The following POLQ variants were observed in gnomAD, a reference collection of about 807,000 sequenced individuals.
The protein encoded by POLQ is epididymis secretory sperm binding protein.
In POLQ, 233 loss-of-function variants were observed where a neutral mutation model predicts 259.2. The ratio of observed to expected loss-of-function variants is 0.90; its 90% CI spans 0.81 to 1.00. The LOEUF (loss-of-function observed/expected upper bound fraction) is 1.00. Among genes scored for constraint, POLQ ranks in the 50% least tolerant of loss-of-function variants. The pLI is 0.00. For synonymous variants in POLQ, 1,025 were observed against 1,048.8 expected, an observed-to-expected ratio of 0.98 and a Z score of 0.44; for missense variants, 2,871 against 3,051.6, an observed-to-expected ratio of 0.94 and a Z score of 1.39.
chr3:121,477,193 C>T lies in POLQ; in HGVS notation c.6212-460G>A, dbSNP rs116813693. 7.7e-3 allele frequency among the ~76,000 whole-genome samples: 1,174 copies of T among 152,234 alleles called. 18 individuals are homozygous for T. Among genetic ancestry groups the T allele is most frequent in the African/African-American group, 0.026 (1,092 of 41,528 alleles). On this transcript the variant is annotated intron_variant, in intron 19 of 29. Transcript: ENST00000264233. ...GGTGTACAACACAAAGTTTATTCAG[C>T]GTCTCTAAAGGAAAAAAGCCCCTCC...
intron 7 of POLQ, among the ~76,000 whole-genome samples, chr3:121,529,219 A>G (rs944760060): frequency 6.6e-6 from 1 of 152,172 alleles, no homozygotes; most frequent in Non-Finnish European, 1.5e-5. Flanking sequence ...TCAAGGGTCA[A>G]CTTATACATA....
At chr3:121,521,873 C>G in intron 8 of POLQ, 130 bp downstream of exon 8, 2 of 651,442 alleles carry the variant, frequency 3.1e-6, no homozygotes, top group Non-Finnish European at 4.7e-6. Context: ...GCCCAGCCCA[C>G]ACAATTTCTT....
chr3:121,526,890 T>TGTGCGCGC (rs542001955), intron 7 of POLQ, among the ~76,000 whole-genome samples: 1 of 151,346 alleles, frequency 6.6e-6, no homozygotes, highest in African/African-American at 2.4e-5. Flanking sequence ...TGTGTGTGTG[T>TGTGCGCGC]GCGCGCGCGC....
Position 121,439,907 on chromosome 3 carries a change from A to T in POLQ, c.7389+85T>A, listed in dbSNP as rs2047575592. On this transcript the variant is annotated intron_variant, in intron 27 of 29. Coordinates refer to ENST00000264233, the MANE Select transcript of POLQ (RefSeq NM_199420.4). ...CAATTAATATGCCAGTAATCCCTAA[A>T]ACGGATATTTGTAGTATTTACTCTG... 2.5e-6 allele frequency: 3 copies of T among 1,213,894 alleles called. No homozygotes were observed. The Admixed American group carries it at 5.5e-5, about 22-fold the overall frequency. 75.2% of individuals were successfully genotyped at this position (1,213,894 alleles called of 1,614,324 possible). A position where few individuals can be genotyped will look rare whatever the true frequency, so the allele number is the denominator to read the frequency against.
At position 121,488,608 on chromosome 3, in the gene POLQ, T is replaced by A; in HGVS notation, c.4323A>T (p.Gln1441His). Reference protein sequence around the residue: ...KKNEVSVTDSQLNSFLQGYQT... With the variant: ...KKNEVSVTDSHLNSFLQGYQT... ...GATAACCTTGAAGAAAACTATTTAA[T>A]TGTGAATCAGTAACAGAAACTTCAT... Residue 1441 changes from glutamine (Q) to histidine (H), a missense_variant, in exon 16 of 30, where the codon CAA (glutamine) becomes CAT (histidine). Around this residue, in one of 3 missense-constraint regions of POLQ, gnomAD observed 2,080 missense variants for 2,126.0 expected, o/e 0.98. Coordinates refer to ENST00000264233, the MANE Select transcript of POLQ (RefSeq NM_199420.4). The A allele has an allele frequency of 2.5e-6, 4 of 1,606,838 alleles. No homozygotes were observed. The highest frequency in any genetic ancestry group is 3.4e-6 in the Non-Finnish European group (4 of 1,177,726).
intron 14 of POLQ, chr3:121,494,897 A>G: frequency 6.6e-7 from 1 of 1,525,448 alleles, no homozygotes; most frequent in South Asian, 1.1e-5. Context: ...ACTTGCCACT[A>G]AACTGGGTTA....
Position 121,432,191 on chromosome 3 carries a change from CT to C in POLQ, c.*112del. 3 of 954,862 alleles carry C rather than the reference CT, an allele frequency of 3.1e-6. No individual in the cohort carries two copies. The highest frequency in any genetic ancestry group is 4.5e-6 in the Non-Finnish European group (3 of 668,080). The allele number at this position is 954,862 out of a possible 1,614,324, so 59.1% of individuals were successfully genotyped here. Reference sequence around the variant, plus strand: ...TCACTATAAAATTACTAGGCTAAGTCTATCAAGACTTGAAAGTTTGTTTTGC... The same window carrying C: ...TCACTATAAAATTACTAGGCTAAGTCATCAAGACTTGAAAGTTTGTTTTGC... On this transcript the variant is annotated 3_prime_UTR_variant, in exon 30 of 30. Coordinates refer to ENST00000264233, the MANE Select transcript of POLQ (RefSeq NM_199420.4).
chr3:121,521,802 C>G, intron 8 of POLQ: 1 of 316,414 alleles, frequency 3.2e-6, no homozygotes, highest in Non-Finnish European at 5.7e-6. Flanking sequence ...AACTCCTGAT[C>G]TCAGGTGATC....
intron 22 of POLQ, among the ~76,000 whole-genome samples, chr3:121,469,227 A>G (rs571339338): frequency 2.0e-5 from 3 of 151,502 alleles, no homozygotes; most frequent in Non-Finnish European, 2.9e-5. Flanking sequence ...CTTTATTTCC[A>G]AATATATTTT....
At position 121,537,002 on chromosome 3, in the gene POLQ, A is replaced by T. The variant is rs535087406; in HGVS notation, c.740+98T>A. On this transcript the variant is annotated intron_variant, in intron 5 of 29. Transcript: ENST00000264233. ...AAGTTTTCTCAATAAGAAAAATATT[A>T]CACTCCCTTAATTTATTTAACTCAT... is the stretch of plus-strand genomic sequence containing the variant. The T allele has an allele frequency of 5.9e-6, 4 of 680,262 alleles. No individual in the cohort carries two copies. In the East Asian group the frequency reaches 8.1e-5, roughly 14 times the overall value. 42.1% of individuals were successfully genotyped at this position (680,262 alleles called of 1,614,324 possible). A position where few individuals can be genotyped will look rare whatever the true frequency, so the allele number is the denominator to read the frequency against.
At chr3:121,533,349 C>T in intron 5 of POLQ, 140 bp from the exon 6 acceptor site, 2 of 467,748 alleles carry the variant, frequency 4.3e-6, no homozygotes, top group Non-Finnish European at 7.4e-6. Flanking sequence ...AATAAAATTA[C>T]TGAGCCACAG....
rs1479839459 is a variant in POLQ, at chr3:121,488,910, T to C, written c.4021A>G (p.Lys1341Glu). The change falls in exon 16 of 30, where the codon AAA (lysine) becomes GAA (glutamate). Residue 1341 changes from lysine (K) to glutamate (E), a missense_variant. Lys to Glu is a moderately conservative substitution (Grantham distance 56, BLOSUM62 1). Around this residue, in one of 3 missense-constraint regions of POLQ, gnomAD observed 2,080 missense variants for 2,126.0 expected, o/e 0.98. Transcript: ENST00000264233. ...AGGTTGGTGTCCTTTGCTCCTAGTT[T>C]GGCATTTTCAGTTGCCATCTGTTGT... ...IIQQMATENAKLGAKDTNLAA... is the reference protein window; with the variant it reads ...IIQQMATENAELGAKDTNLAA... 1.2e-6 allele frequency: 2 copies of C among 1,614,070 alleles called. No homozygotes were observed. Among genetic ancestry groups the C allele is most frequent in the African/African-American group, 2.7e-5 (2 of 74,950 alleles).
rs1576407366 is a variant in POLQ, at chr3:121,467,461, A to G, written c.6967+58T>C. ...CTCACTCATATTTCAGGCTTTATCC[A>G]TGCTTTGAAAAACATTCTCACAGCA... On this transcript the variant is annotated intron_variant, in intron 24 of 29. Transcript: ENST00000264233. 7 of 1,572,106 alleles carry G rather than the reference A, an allele frequency of 4.5e-6. No homozygotes were observed. The East Asian group carries it at 6.7e-5, about 15-fold the overall frequency.
At chr3:121,482,073 C>T (rs2047975866) in intron 18 of POLQ, among the ~76,000 whole-genome samples, 1 of 152,118 alleles carries the variant, frequency 6.6e-6, no homozygotes, top group Admixed American at 6.5e-5. Flanking sequence ...TCCAGTTTAG[C>T]AGTAGGCTTG....
At chr3:121,438,341 T>G (rs2047561596) in intron 27 of POLQ, among the ~76,000 whole-genome samples, 1 of 152,216 alleles carries the variant, frequency 6.6e-6, no homozygotes, top group Admixed American at 6.5e-5. Context: ...TTTCACAAAC[T>G]TATATGATTC....
In POLQ at chr3:121,487,354, A is replaced by C. The variant is rs1477757562; in HGVS notation, c.5577T>G (p.Ile1859Met). The C allele has an allele frequency of 1.9e-6, 3 of 1,613,130 alleles. No homozygotes were observed. The highest frequency in any genetic ancestry group is 2.5e-6 in the Non-Finnish European group (3 of 1,179,630). ...CAGTTTTAGAAGATGTCAAACTTCTAATCTTTTCACAAGCCAGTGAGATGG... is the reference window on the plus strand; with the variant it reads ...CAGTTTTAGAAGATGTCAAACTTCTCATCTTTTCACAAGCCAGTGAGATGG... ...RFSISLACEKIRSLTSSKTAT... is the reference protein window; with the variant it reads ...RFSISLACEKMRSLTSSKTAT... Residue 1859 changes from isoleucine (I) to methionine (M), a missense_variant, in exon 16 of 30, where the codon ATT (isoleucine) becomes ATG (methionine). Physicochemically the swap from Ile to Met is conservative, Grantham distance 10. Around this residue, in one of 3 missense-constraint regions of POLQ, gnomAD observed 2,080 missense variants for 2,126.0 expected, o/e 0.98. Transcript: ENST00000264233.
Position 121,501,661 on chromosome 3 carries a change from C to CA in POLQ, c.1960-2992dup, listed in dbSNP as rs60180456. On this transcript the variant is annotated intron_variant, in intron 12 of 29. Coordinates refer to ENST00000264233, the MANE Select transcript of POLQ (RefSeq NM_199420.4). ...TGGGCGACAGAGCGAGACTCCGTCT[C>CA]AAAAAAAAAAAAAAAAAAAAAAAAA... 9.1e-3 allele frequency among the ~76,000 whole-genome samples: 362 copies of CA among 39,972 alleles called. 41 individuals carry two copies. The highest frequency in any genetic ancestry group is 0.015 in the East Asian group (14 of 940). The allele number at this position is 39,972 out of a possible 152,430, so 26.2% of individuals were successfully genotyped here.
At position 121,499,724 on chromosome 3, in the gene POLQ, A is replaced by G. The variant is rs75009281; in HGVS notation, c.1960-1054T>C. ...ACCCAAAATGTCAAGATTCAACAAA[A>G]ATTATGAAACATATAAGAAATAGGA... On this transcript the variant is annotated intron_variant, in intron 12 of 29. Transcript: ENST00000264233. 6.1e-3 allele frequency among the ~76,000 whole-genome samples: 923 copies of G among 152,338 alleles called. 8 individuals carry two copies. Among genetic ancestry groups the G allele is most frequent in the African/African-American group, 0.02 (849 of 41,562 alleles).
intron 7 of POLQ, among the ~76,000 whole-genome samples, chr3:121,525,641 G>A (rs1354627522): frequency 6.6e-6 from 1 of 152,134 alleles, no homozygotes; most frequent in African/African-American, 2.4e-5. Context: ...TGTCGTTTCA[G>A]TGCCGATATC....
Sources: gnomAD v4.1 joint callset for allele counts (sites outside exome capture counted in the v4.1 genomes callset) on GRCh38, gnomAD v4.1.1 for gene constraint, gnomAD v4.1.1 regional missense constraint, MANE v1.5 for transcripts, NCBI Gene and HGNC (gene_info 2026-07-23, HGNC 2026-07-21) for gene names.